NCKAP5: variants seen among roughly 807,000 people sequenced by gnomAD.
NCKAP5 encodes nck-associated protein 5.
Under a neutral mutation model 167.0 loss-of-function variants are expected in NCKAP5, and 92 were observed. The observed-to-expected ratio is 0.55, with a 90% CI of 0.47 to 0.66. NCKAP5 has a LOEUF of 0.66. Ranked by LOEUF, NCKAP5 falls within the 30% of genes least tolerant of loss-of-function variation. The probability of loss-of-function intolerance (pLI) is 0.00; values close to 1 mark genes in which losing one functional copy is unlikely to be tolerated. For synonymous variants in NCKAP5, 891 were observed against 877.4 expected (o/e 1.02, Z -0.27); for missense variants, 2,378 against 2,315.0 (o/e 1.03, Z -0.56).
At chr2:133,112,077 A>G (rs553294849) in intron 6 of NCKAP5, among the ~76,000 whole-genome samples, 3 of 152,340 alleles carry the variant, frequency 2.0e-5, no homozygotes, top group South Asian at 2.1e-4. Context: ...GCAGTGCAAC[A>G]TATAGAAAAA....
At chr2:133,660,548 A>G in the NCKAP5 span, among the ~76,000 whole-genome samples, 2 of 152,240 alleles carry the variant, frequency 1.3e-5, no homozygotes, top group African/African-American at 4.8e-5. Flanking sequence ...AATTTTCAAC[A>G]GAGAATCATG....
At chr2:133,590,043 C>G in the NCKAP5 span, among the ~76,000 whole-genome samples, 11 of 152,150 alleles carry the variant, frequency 7.2e-5, no homozygotes, top group Admixed American at 3.9e-4. Flanking sequence ...TTCCTGCCTT[C>G]CTTTTTTGTT....
At chr2:132,988,380 T>C (rs1405048618) in intron 7 of NCKAP5, among the ~76,000 whole-genome samples, 1 of 148,694 alleles carries the variant, frequency 6.7e-6, no homozygotes, top group Non-Finnish European at 1.5e-5. Flanking sequence ...GGGAATTGTT[T>C]GAACCCAGGA....
At chr2:133,249,596 C>T (rs540153395) in intron 4 of NCKAP5, among the ~76,000 whole-genome samples, 5 of 152,326 alleles carry the variant, frequency 3.3e-5, no homozygotes, top group African/African-American at 1.2e-4. Flanking sequence ...GCTGACTTGA[C>T]GTTAGTCACC....
chr2:133,000,684 G>C (rs1254286606), intron 6 of NCKAP5, among the ~76,000 whole-genome samples: 1 of 151,956 alleles, frequency 6.6e-6, no homozygotes, highest in Non-Finnish European at 1.5e-5. Context: ...CCTAACCCTA[G>C]TCTCTTATGA....
intron 3 of NCKAP5, among the ~76,000 whole-genome samples, chr2:133,408,409 C>G (rs751321080): frequency 1.1e-4 from 16 of 152,102 alleles, no homozygotes; most frequent in Admixed American, 4.6e-4. Context: ...TCCCTGAGAC[C>G]GAAATAATTG....
At chr2:133,207,373 TTTAA>T (rs2086000527) in intron 5 of NCKAP5, among the ~76,000 whole-genome samples, 1 of 152,172 alleles carries the variant, frequency 6.6e-6, no homozygotes, top group African/African-American at 2.4e-5. Flanking sequence ...TGTTTTCCCC[TTTAA>T]TCTATTATTA....
chr2:133,450,996 C>T (rs1033425041), intron 3 of NCKAP5, among the ~76,000 whole-genome samples: 2 of 152,090 alleles, frequency 1.3e-5, no homozygotes, highest in Non-Finnish European at 2.9e-5. Context: ...GCCCCCAAAC[C>T]CCCAAAATGT....
chr2:133,267,985 C>T (rs1283311024), intron 4 of NCKAP5, among the ~76,000 whole-genome samples: 1 of 152,210 alleles, frequency 6.6e-6, no homozygotes, highest in Non-Finnish European at 1.5e-5. Flanking sequence ...TTTATACATT[C>T]TTCTCAAGTG....
chr2:132,737,198 T>C (rs1166449565), intron 16 of NCKAP5, among the ~76,000 whole-genome samples: 1 of 152,174 alleles, frequency 6.6e-6, no homozygotes, highest in African/African-American at 2.4e-5. Flanking sequence ...AAGCTCCATC[T>C]CGGTACACCT....
intron 3 of NCKAP5, among the ~76,000 whole-genome samples, chr2:133,328,082 C>T (rs1682578721): frequency 1.3e-5 from 2 of 152,050 alleles, no homozygotes; most frequent in East Asian, 3.9e-4. Context: ...AACGTTGGGC[C>T]CCAAGTTACC....
At position 132,784,249 on chromosome 2, in the gene NCKAP5, C is replaced by T. The variant is rs776445691; in HGVS notation, c.2562G>A (p.Gly854=). The T allele has an allele frequency of 2.5e-6, 4 of 1,606,102 alleles. No homozygotes were observed. In the African/African-American group the frequency reaches 5.4e-5, roughly 22 times the overall value. The change falls in exon 14 of 20, where the codon GGG becomes GGA. Residue 854 remains glycine (G), a synonymous_variant. Transcript: ENST00000409261. ...GATCTGATCGTAATTCAAAGAGGGG[C>T]CCTGAGCTCTCAGTCTTCATGAATC... ...LSRFMKTESS[G]PLFELRSDPH... is the part of the protein sequence containing the mutation.
chr2:133,544,450 C>T (rs953063074), intron 2 of NCKAP5, among the ~76,000 whole-genome samples: 1 of 152,120 alleles, frequency 6.6e-6, no homozygotes, highest in African/African-American at 2.4e-5. Context: ...CCCTATTATA[C>T]ATATTTCTTG....
intron 3 of NCKAP5, among the ~76,000 whole-genome samples, chr2:133,308,243 C>T (rs113119404): frequency 0.15 from 23,100 of 151,194 alleles, 2,223 homozygotes; most frequent in African/African-American, 0.27. Context: ...CGCCCGCCAC[C>T]ACGCCCGGCT....
chr2:133,287,620 C>T (rs551530911), intron 4 of NCKAP5, among the ~76,000 whole-genome samples: 2 of 152,242 alleles, frequency 1.3e-5, no homozygotes, highest in African/African-American at 4.8e-5. Context: ...AGTGTAAGGC[C>T]AGGTACCTAC....
At chr2:132,895,843 A>C (rs1483654301) in intron 8 of NCKAP5, among the ~76,000 whole-genome samples, 3 of 151,540 alleles carry the variant, frequency 2.0e-5, no homozygotes, top group Non-Finnish European at 4.4e-5. Context: ...ACAAAAAAAA[A>C]AACACAGTAG....
chr2:133,077,617 A>C (rs567367045), intron 6 of NCKAP5, among the ~76,000 whole-genome samples: 1 of 152,322 alleles, frequency 6.6e-6, no homozygotes, highest in Admixed American at 6.5e-5. Context: ...ATTTTCTCGT[A>C]ATGTAATTGT....
At chr2:132,883,451 T>C (rs1316242333) in intron 8 of NCKAP5, among the ~76,000 whole-genome samples, 2 of 152,312 alleles carry the variant, frequency 1.3e-5, no homozygotes, top group African/African-American at 4.8e-5. Flanking sequence ...CTTTTGCTTC[T>C]GTAGCAAAAG....
intron 8 of NCKAP5, among the ~76,000 whole-genome samples, chr2:132,897,688 G>A (rs1693310344): frequency 1.3e-5 from 2 of 152,258 alleles, no homozygotes; most frequent in South Asian, 4.1e-4. Context: ...AATCAAGCAA[G>A]TCACACGAAT....
Sources: gnomAD v4.1 joint callset for allele counts (sites outside exome capture counted in the v4.1 genomes callset) on GRCh38, gnomAD v4.1.1 for gene constraint, MANE v1.5 for transcripts, NCBI Gene and HGNC (gene_info 2026-07-23, HGNC 2026-07-21) for gene names.